MLLT3: variants seen among roughly 807,000 people sequenced by gnomAD.
The protein encoded by MLLT3 is MLLT3 super elongation complex subunit, also known as protein AF-9.
In MLLT3, 4 loss-of-function variants were observed where a neutral mutation model predicts 53.2. That is an observed-to-expected ratio of 0.08 (90% CI 0.04 to 0.17). The LOEUF (loss-of-function observed/expected upper bound fraction) is 0.17. Among genes scored for constraint, MLLT3 ranks in the 10% least tolerant of loss-of-function variants. The probability of loss-of-function intolerance (pLI) is 1.00; values close to 1 mark genes in which losing one functional copy is unlikely to be tolerated. For synonymous variants in MLLT3, 283 were observed against 230.6 expected, an observed-to-expected ratio of 1.23 and a Z score of -2.06; for missense variants, 569 against 684.0, an observed-to-expected ratio of 0.83 and a Z score of 1.87.
At position 20,621,883 on chromosome 9, in the gene MLLT3, A is replaced by G. The variant is rs1168205247; in HGVS notation, c.12+362T>C. The G allele has an allele frequency of 2.2e-6, 3 of 1,363,284 alleles. No individual in the cohort carries two copies. The highest frequency in any genetic ancestry group is 3.9e-5 in the Admixed American group (1 of 25,424). 84.4% of individuals were successfully genotyped at this position (1,363,284 alleles called of 1,614,324 possible). A position where few individuals can be genotyped will look rare whatever the true frequency, so the allele number is the denominator to read the frequency against. On this transcript the variant is annotated intron_variant, in intron 1 of 10. Transcript: ENST00000380338. The surrounding 1 kb of genome is among the most constrained non-coding windows in gnomAD (Gnocchi z 7.0). ...GCGGCGGCTGAAATATGGCTGAGTT[A>G]TTATTCGCCTCCTTCCACCGTGTGT...
In MLLT3 at chr9:20,458,576, T is replaced by G. The variant is rs572597564; in HGVS notation, c.194-1790A>C. 2.0e-5 allele frequency among the ~76,000 whole-genome samples: 3 copies of G among 152,252 alleles called. No individual in the cohort carries two copies. The East Asian group carries it at 5.8e-4, about 29-fold the overall frequency. ...TGATTAGGTCATGAAGGTGGAAACC[T>G]CATGAATGGGATTAGCACCCTAGAG... On this transcript the variant is annotated intron_variant, in intron 2 of 10. Transcript: ENST00000380338.
At chr9:20,386,324 G>C (rs1822034768) in intron 5 of MLLT3, among the ~76,000 whole-genome samples, 1 of 152,188 alleles carries the variant, frequency 6.6e-6, no homozygotes, top group Admixed American at 6.5e-5. Context: ...ATGTTGAAGA[G>C]TAAGGAGAAG....
At position 20,353,469 on chromosome 9, in the gene MLLT3, G is replaced by A. The variant is rs1030233969; in HGVS notation, c.1575+56C>T. 9 of 1,501,548 alleles carry A rather than the reference G, an allele frequency of 6.0e-6. No individual in the cohort carries two copies. The South Asian group carries it at 1.0e-4, about 17-fold the overall frequency. The allele number at this position is 1,501,548 out of a possible 1,614,324, so 93.0% of individuals were successfully genotyped here. A position where few individuals can be genotyped will look rare whatever the true frequency, so the allele number is the denominator to read the frequency against. On this transcript the variant is annotated intron_variant, in intron 10 of 10. Coordinates refer to ENST00000380338, the MANE Select transcript of MLLT3 (RefSeq NM_004529.4). ...CTCCAGGTGCTATCACACTACTGCA[G>A]GACAAACCAAGTCTTGAAGTTTCTG...
intron 2 of MLLT3, among the ~76,000 whole-genome samples, chr9:20,541,186 C>G (rs888209497): frequency 6.6e-6 from 1 of 152,218 alleles, no homozygotes; most frequent in Admixed American, 6.5e-5. Context: ...TCACTATCAA[C>G]ATTTTTGTCA....
chr9:20,505,082 C>A (rs1825351147), intron 2 of MLLT3, among the ~76,000 whole-genome samples: 1 of 152,098 alleles, frequency 6.6e-6, no homozygotes, highest in African/African-American at 2.4e-5. Flanking sequence ...TGACTGATGG[C>A]TTGAACCAGA....
intron 2 of MLLT3, among the ~76,000 whole-genome samples, chr9:20,575,104 C>T (rs1292737806): frequency 6.6e-6 from 1 of 152,196 alleles, no homozygotes; most frequent in Non-Finnish European, 1.5e-5. Context: ...TTCTACTTCT[C>T]TTTCCACCAC....
intron 2 of MLLT3, among the ~76,000 whole-genome samples, chr9:20,514,822 G>A (rs1184430179): frequency 6.6e-6 from 1 of 152,054 alleles, no homozygotes; most frequent in Non-Finnish European, 1.5e-5. Flanking sequence ...AAGTTCTACT[G>A]AAAGCATCTT....
At chr9:20,518,682 C>T (rs1817977884) in intron 2 of MLLT3, among the ~76,000 whole-genome samples, 1 of 152,132 alleles carries the variant, frequency 6.6e-6, no homozygotes, top group African/African-American at 2.4e-5. Flanking sequence ...GTACCATGTA[C>T]CCCTGAGGTG....
chr9:20,562,275 T>C (rs1221933710), intron 2 of MLLT3, among the ~76,000 whole-genome samples: 2 of 152,032 alleles, frequency 1.3e-5, no homozygotes, highest in Non-Finnish European at 2.9e-5. Context: ...AAATATACCA[T>C]GACAGTAATT....
At chr9:20,533,289 G>A in intron 2 of MLLT3, 1 of 328,084 alleles carries the variant, frequency 3.0e-6, no homozygotes. Context: ...GGCTCACATT[G>A]CCAAGCTCAA....
chr9:20,393,138 A>G (rs940611075), intron 5 of MLLT3, among the ~76,000 whole-genome samples: 1 of 152,080 alleles, frequency 6.6e-6, no homozygotes, highest in African/African-American at 2.4e-5. Flanking sequence ...CTGGGCAACA[A>G]GAGCAAAACT....
intron 4 of MLLT3, among the ~76,000 whole-genome samples, chr9:20,434,125 A>C (rs1347850690): frequency 6.6e-6 from 1 of 152,116 alleles, no homozygotes; most frequent in East Asian, 1.9e-4. Context: ...ATCTCAAAAA[A>C]ATAAAAAATA....
chr9:20,608,171 C>T (rs1415732925), intron 2 of MLLT3, among the ~76,000 whole-genome samples: 3 of 151,812 alleles, frequency 2.0e-5, no homozygotes, highest in South Asian at 4.1e-4. Context: ...TACAAAGATG[C>T]ACACATTGGA....
chr9:20,620,527 C>T lies in MLLT3; in HGVS notation c.193+127G>A, dbSNP rs1820971448. ...GACCTGGCCCGCGCGGCGCCGCGCA[C>T]CCGGATCCCGAGGCTACGCCGGCGA... On this transcript the variant is annotated intron_variant, in intron 2 of 10. Transcript: ENST00000380338. This position sits in a 1 kb window ranked among gnomAD's most constrained non-coding sequence, Gnocchi z 6.1. 1.4e-6 allele frequency: 1 copy of T among 724,104 alleles called. No individual in the cohort carries two copies. The highest frequency in any genetic ancestry group is 4.9e-5 in the Admixed American group (1 of 20,330). 44.9% of individuals were successfully genotyped at this position (724,104 alleles called of 1,614,324 possible). A position where few individuals can be genotyped will look rare whatever the true frequency, so the allele number is the denominator to read the frequency against.
chr9:20,442,097 T>TGAAA (rs1355033142), intron 4 of MLLT3, among the ~76,000 whole-genome samples: 2 of 152,150 alleles, frequency 1.3e-5, no homozygotes, highest in African/African-American at 4.8e-5. Flanking sequence ...AATGTGGTCT[T>TGAAA]TGAAAGGAAA....
At chr9:20,353,664 G>A in intron 9 of MLLT3, 68 bp from the exon 10 acceptor site, 4 of 1,318,060 alleles carry the variant, frequency 3.0e-6, no homozygotes, top group Non-Finnish European at 4.4e-6. Context: ...AAATGAATAT[G>A]TAAGTAAGAA....
At position 20,342,838 on chromosome 9, in the gene MLLT3, A is replaced by G. The variant is rs1036275712; in HGVS notation, c.*3605T>C. The G allele has an allele frequency of 1.8e-4, 28 of 156,426 alleles. No individual in the cohort carries two copies. The highest frequency in any genetic ancestry group is 2.5e-3 in the Middle Eastern group (1 of 400). The allele number at this position is 156,426 out of a possible 1,614,324, so 9.7% of individuals were successfully genotyped here. A position where few individuals can be genotyped will look rare whatever the true frequency, so the allele number is the denominator to read the frequency against. ...TTACTCTGATAATATATATGTGTAT[A>G]TATATATATATATGTATATATAAAT... On this transcript the variant is annotated 3_prime_UTR_variant, in exon 11 of 11. Transcript: ENST00000380338.
At chr9:20,517,017 C>A (rs189330908) in intron 2 of MLLT3, among the ~76,000 whole-genome samples, 124 of 152,192 alleles carry the variant, frequency 8.1e-4, no homozygotes, top group African/African-American at 2.9e-3. Flanking sequence ...AATATACTTA[C>A]GCAGTTTTTG....
chr9:20,514,377 C>G (rs1282051571), intron 2 of MLLT3, among the ~76,000 whole-genome samples: 1 of 152,124 alleles, frequency 6.6e-6, no homozygotes, highest in Non-Finnish European at 1.5e-5. Context: ...TGGGGTATGG[C>G]TTTTTAAGTG....
Sources: gnomAD v4.1 joint callset for allele counts (sites outside exome capture counted in the v4.1 genomes callset) on GRCh38, gnomAD v4.1.1 for gene constraint, Gnocchi (gnomAD v3.1) non-coding constraint, MANE v1.5 for transcripts, NCBI Gene and HGNC (gene_info 2026-07-23, HGNC 2026-07-21) for gene names.